Variants in REPS1 observed in about 807,000 individuals in gnomAD.
REPS1 encodes RALBP1 associated Eps domain containing 1, also known as ralBP1-associated Eps domain-containing protein 1.
A neutral mutation model predicts 100.9 loss-of-function variants in REPS1; 39 were observed. The observed-to-expected ratio is 0.39, with a 90% confidence interval of 0.30 to 0.50. The LOEUF is 0.50. Among genes scored for constraint, REPS1 ranks in the 20% least tolerant of loss-of-function variants. The probability of loss-of-function intolerance (pLI) is 0.86; values close to 1 mark genes in which losing one functional copy is unlikely to be tolerated. For missense variants in REPS1, 821 were observed against 968.5 expected, an observed-to-expected ratio of 0.85 and a Z score of 2.02; for synonymous variants, 324 against 340.3, an observed-to-expected ratio of 0.95 and a Z score of 0.53.
intron 1 of REPS1, among the ~76,000 whole-genome samples, chr6:138,960,679 T>C (rs1191490737): frequency 1.3e-5 from 2 of 152,144 alleles, no homozygotes; most frequent in Non-Finnish European, 2.9e-5. Context: ...AAAGGAGTAT[T>C]TAGATAGCTT....
intron 1 of REPS1, among the ~76,000 whole-genome samples, chr6:138,984,078 C>CTTTTTTTTTTTT (rs748774209): frequency 7.4e-6 from 1 of 134,448 alleles, no homozygotes; most frequent in African/African-American, 2.8e-5. Flanking sequence ...CTCTCTCTCT[C>CTTTTTTTTTTTT]TTTTTTTTTT....
intron 1 of REPS1, among the ~76,000 whole-genome samples, chr6:138,966,864 C>T (rs1355599889): frequency 6.6e-6 from 1 of 152,164 alleles, no homozygotes; most frequent in Non-Finnish European, 1.5e-5. Context: ...AATTTCCTTA[C>T]ATTTCATATA....
intron 5 of REPS1, 85 bp from the exon 6 acceptor site, chr6:138,944,100 G>T: frequency 7.8e-7 from 1 of 1,287,606 alleles, no homozygotes; most frequent in Non-Finnish European, 1.1e-6. Context: ...ATCTTTGAAA[G>T]TAAAACTTGC....
chr6:138,945,726 A>T, intron 2 of REPS1, 29 bp from the exon 3 acceptor site: 2 of 1,487,510 alleles, frequency 1.3e-6, no homozygotes, highest in Non-Finnish European at 1.8e-6. Flanking sequence ...TCATTACTTC[A>T]AAATAAAAAA....
chr6:138,926,423 G>C lies in REPS1; in HGVS notation c.1316C>G (p.Ser439Cys), dbSNP rs569925141. ...SSSQTLTQFD[S>C]NIAPADPDTA... ...TACAGGATCAGCTGGTGCAATGTTA[G>C]AATCAAATTGGGTCAGAGTTTGTGA... The change falls in exon 10 of 20, where the codon TCT becomes TGT. Residue 439 changes from serine (S) to cysteine (C), a missense_variant. Ser to Cys is a moderately radical substitution (Grantham distance 112, BLOSUM62 -1). Around this residue, in one of 3 missense-constraint regions of REPS1, gnomAD observed 757 missense variants for 866.4 expected, o/e 0.87. Transcript: ENST00000450536. 2.5e-6 allele frequency: 4 copies of C among 1,612,676 alleles called. No homozygotes were observed. In the South Asian group the frequency reaches 4.4e-5, roughly 18 times the overall value.
Position 138,945,585 on chromosome 6 carries a change from A to T in REPS1, c.390T>A (p.Ile130=). ...SENQGSYSGV[I]PPPPGRGQVK... The stretch of plus-strand genomic sequence containing the variant: ...CTTGCCCCCTGCCAGGTGGTGGGGG[A>T]ATTACACCAGAATACGACCCTTGAT... The change falls in exon 3 of 20, where the codon ATT becomes ATA. Residue 130 remains isoleucine (I), a synonymous_variant. Coordinates refer to ENST00000450536, the MANE Select transcript of REPS1 (RefSeq NM_001286611.2). The T allele has an allele frequency of 1.2e-6, 2 of 1,613,642 alleles. No homozygotes were observed. Among genetic ancestry groups the T allele is most frequent in the South Asian group, 1.1e-5 (1 of 91,006 alleles).
chr6:138,916,137 T>C, intron 13 of REPS1, 161 bp from the exon 14 acceptor site: 2 of 660,102 alleles, frequency 3.0e-6, no homozygotes, highest in East Asian at 2.8e-5. Flanking sequence ...TAGCACTGTT[T>C]ATGATGTACC....
Position 138,945,518 on chromosome 6 carries a change from T to C in REPS1, c.457A>G (p.Thr153Ala). Residue 153 changes from threonine to alanine, a missense_variant, in exon 3 of 20, where the codon ACA becomes GCA. By Grantham distance (58) the Thr-to-Ala change is moderately conservative. Coordinates refer to ENST00000450536, the MANE Select transcript of REPS1 (RefSeq NM_001286611.2). ...GTGATTACCTGTGCATCTGCAGATG[T>C]ACGAGGCTGAACCGTATCATGGCTT... Reference protein sequence around the residue: ...SVSHDTVQPRTSADAQEPASP... With the variant: ...SVSHDTVQPRASADAQEPASP... The C allele has an allele frequency of 6.2e-7, 1 of 1,605,918 alleles. No homozygotes were observed. The highest frequency in any genetic ancestry group is 8.5e-7 in the Non-Finnish European group (1 of 1,176,644).
At chr6:138,914,804 C>T (rs1780244937) in intron 14 of REPS1, 43 bp from the exon 15 acceptor site, 2 of 1,499,826 alleles carry the variant, frequency 1.3e-6, no homozygotes, top group African/African-American at 2.8e-5. Context: ...ACTGTATAAT[C>T]ACTTTGTTAA....
chr6:138,938,496 T>C (rs985213870), intron 8 of REPS1, among the ~76,000 whole-genome samples: 2 of 152,236 alleles, frequency 1.3e-5, no homozygotes, highest in African/African-American at 4.8e-5. Flanking sequence ...GAAAAATATC[T>C]TCCTTTGAAA....
At position 138,905,144 on chromosome 6, in the gene REPS1, G is replaced by A. The variant is rs775867919; in HGVS notation, c.2323-12C>T. On this transcript the variant is annotated splice_polypyrimidine_tract_variant and intron_variant, in intron 19 of 19. Coordinates refer to ENST00000450536, the MANE Select transcript of REPS1 (RefSeq NM_001286611.2). ...TCCTCAAGAACATCCTGAAAAAGATGCAAAGGCCAAGTTATGTTTCAAAGT... is the reference window on the plus strand; with the variant it reads ...TCCTCAAGAACATCCTGAAAAAGATACAAAGGCCAAGTTATGTTTCAAAGT... 5 of 1,527,482 alleles carry A rather than the reference G, an allele frequency of 3.3e-6. No individual in the cohort carries two copies. The highest frequency in any genetic ancestry group is 4.5e-6 in the Non-Finnish European group (5 of 1,101,454). 94.6% of individuals were successfully genotyped at this position (1,527,482 alleles called of 1,614,324 possible).
intron 8 of REPS1, among the ~76,000 whole-genome samples, chr6:138,932,459 ACC>A (rs71009602): frequency 1.4e-3 from 213 of 147,748 alleles, no homozygotes; most frequent in African/African-American, 5.1e-3. Flanking sequence ...TGTATTCCTT[ACC>A]CCCCCCCACA....
At chr6:138,938,661 G>GTA (rs879925201) in intron 8 of REPS1, among the ~76,000 whole-genome samples, 183 of 152,180 alleles carry the variant, frequency 1.2e-3, no homozygotes, top group Non-Finnish European at 2.3e-3. Flanking sequence ...AGGATTTAGT[G>GTA]TGGTATGTTT....
chr6:138,938,785 C>A (rs750833431), intron 8 of REPS1, among the ~76,000 whole-genome samples: 15 of 151,948 alleles, frequency 9.9e-5, no homozygotes, highest in Non-Finnish European at 2.1e-4. Flanking sequence ...TAATGTCAGC[C>A]GAAAGAAACT....
intron 1 of REPS1, among the ~76,000 whole-genome samples, chr6:138,960,526 T>C (rs553030757): frequency 2.0e-5 from 3 of 152,110 alleles, no homozygotes; most frequent in South Asian, 2.1e-4. Flanking sequence ...GAGAAGAGTG[T>C]ATTATTTTAC....
intron 1 of REPS1, among the ~76,000 whole-genome samples, chr6:138,976,102 C>G (rs1299628364): frequency 6.6e-6 from 1 of 152,142 alleles, no homozygotes; most frequent in Non-Finnish European, 1.5e-5. Context: ...TCTTCTAAAT[C>G]AGCTATTAAT....
At chr6:138,953,087 T>C (rs898599408) in intron 1 of REPS1, among the ~76,000 whole-genome samples, 1 of 152,164 alleles carries the variant, frequency 6.6e-6, no homozygotes, top group Non-Finnish European at 1.5e-5. Context: ...TCTGCCCGCC[T>C]CAGCCTCCCA....
intron 1 of REPS1, 21 bp downstream of exon 1, chr6:138,987,509 G>A: frequency 3.9e-6 from 6 of 1,543,152 alleles, no homozygotes; most frequent in Non-Finnish European, 5.2e-6. Flanking sequence ...GCCGCCCGCC[G>A]GCCCCGGGAC....
At chr6:138,977,080 T>G (rs1784638477) in intron 1 of REPS1, among the ~76,000 whole-genome samples, 1 of 152,236 alleles carries the variant, frequency 6.6e-6, no homozygotes, top group Non-Finnish European at 1.5e-5. Flanking sequence ...AGGTATAATT[T>G]ATACACCATA....
Sources: allele counts gnomAD v4.1 joint callset (sites outside exome capture counted in the v4.1 genomes callset), GRCh38; gene constraint gnomAD v4.1.1; regional missense constraint gnomAD v4.1.1; transcripts MANE v1.5; gene names NCBI Gene and HGNC (gene_info 2026-07-23, HGNC 2026-07-21).